The following IL7 variants were observed in gnomAD, a reference collection of about 807,000 sequenced individuals.
IL7 encodes the protein interleukin-7.
IL7 carries 3 observed loss-of-function variants against 21.6 expected under a neutral mutation model. The observed-to-expected ratio is 0.14, with a 90% CI of 0.06 to 0.36. IL7 has a LOEUF of 0.36. Among genes scored for constraint, IL7 ranks in the 10% least tolerant of loss-of-function variants. The probability of loss-of-function intolerance (pLI) is 1.00; values close to 1 mark genes in which losing one functional copy is unlikely to be tolerated. For synonymous variants in IL7, 62 were observed against 68.1 expected (o/e 0.91, Z 0.44); for missense variants, 175 against 200.2 (o/e 0.87, Z 0.76).
intron 2 of IL7, among the ~76,000 whole-genome samples, chr8:78,774,148 A>G (rs1320043071): frequency 6.6e-6 from 1 of 152,120 alleles, no homozygotes. Context: ...GGATTTCATT[A>G]CTTATAATAA....
intron 2 of IL7, among the ~76,000 whole-genome samples, chr8:78,757,616 T>C (rs1032506462): frequency 6.6e-6 from 1 of 152,104 alleles, no homozygotes; most frequent in Non-Finnish European, 1.5e-5. Flanking sequence ...TGTTAATGAA[T>C]TGATCCCTTC....
chr8:78,686,371 AT>A, intron 3 of IL7: 1 of 1,047,946 alleles, frequency 9.5e-7, no homozygotes, highest in Non-Finnish European at 1.2e-6. Flanking sequence ...ATAAGAGAAC[AT>A]TTAAAATGAT....
intron 2 of IL7, among the ~76,000 whole-genome samples, chr8:78,752,079 G>C (rs1404147490): frequency 1.3e-5 from 2 of 152,178 alleles, no homozygotes; most frequent in African/African-American, 4.8e-5. Flanking sequence ...AGGCTCATCT[G>C]TGTTGCTGTG....
At chr8:78,773,719 C>G (rs1813041138) in intron 2 of IL7, among the ~76,000 whole-genome samples, 1 of 152,020 alleles carries the variant, frequency 6.6e-6, no homozygotes, top group South Asian at 2.1e-4. Flanking sequence ...ATGATCTGAG[C>G]CTTGGTTTGT....
rs117442811 is a variant in IL7, at chr8:78,745,046, C to T, written c.148-4964G>A. ...GTTTCAGTGGAAGGTGCTGTATTTA[C>T]TCGCCCTTTTGTCCCTCTTTGTGAG... On this transcript the variant is annotated intron_variant, in intron 2 of 5. Coordinates refer to ENST00000263851, the MANE Select transcript of IL7 (RefSeq NM_000880.4). Among the ~76,000 whole-genome samples, 656 of 152,312 alleles carry T rather than the reference C, an allele frequency of 4.3e-3. 5 individuals are homozygous for T. The highest frequency in any genetic ancestry group is 7.7e-3 in the South Asian group (37 of 4,832).
chr8:78,743,052 A>G (rs1220726847), intron 2 of IL7, among the ~76,000 whole-genome samples: 1 of 152,216 alleles, frequency 6.6e-6, no homozygotes, highest in African/African-American at 2.4e-5. Flanking sequence ...CCTGCAAAGG[A>G]CATGATCTCA....
At chr8:78,748,542 T>C (rs1341053928) in intron 2 of IL7, among the ~76,000 whole-genome samples, 2 of 152,226 alleles carry the variant, frequency 1.3e-5, no homozygotes, top group Non-Finnish European at 2.9e-5. Flanking sequence ...AAGCCCATTG[T>C]AAATTCAAAA....
chr8:78,761,568 G>T, intron 2 of IL7: 13 of 1,611,862 alleles, frequency 8.1e-6, no homozygotes, highest in Non-Finnish European at 1.1e-5. Context: ...CTTAGGTTAT[G>T]AGATTCATCA....
In IL7 at chr8:78,753,839, C is replaced by T. The variant is rs997581923; in HGVS notation, c.148-13757G>A. 2.0e-5 allele frequency among the ~76,000 whole-genome samples: 3 copies of T among 152,240 alleles called. No homozygotes were observed. The South Asian group carries it at 6.2e-4, about 32-fold the overall frequency. On this transcript the variant is annotated intron_variant, in intron 2 of 5. Coordinates refer to ENST00000263851, the MANE Select transcript of IL7 (RefSeq NM_000880.4). ...CCATTTATTAAATAGGGAAACCTTTCCCCATTTCCTGTTTTTGTCAGGTTT... is the reference window on the plus strand; with the variant it reads ...CCATTTATTAAATAGGGAAACCTTTTCCCATTTCCTGTTTTTGTCAGGTTT...
At chr8:78,779,311 T>A (rs571128902) in intron 2 of IL7, among the ~76,000 whole-genome samples, 2 of 152,338 alleles carry the variant, frequency 1.3e-5, no homozygotes, top group South Asian at 4.1e-4. Context: ...CCTTGTCTTG[T>A]GCTAGTTTTC....
At chr8:78,761,274 C>T (rs1812546812) in intron 2 of IL7, 3 of 1,608,410 alleles carry the variant, frequency 1.9e-6, no homozygotes, top group Admixed American at 1.7e-5. Context: ...CAAACTTCCT[C>T]GATTGTTCCT....
intron 2 of IL7, among the ~76,000 whole-genome samples, chr8:78,773,233 C>A (rs1370847807): frequency 6.6e-6 from 1 of 151,988 alleles, no homozygotes; most frequent in Non-Finnish European, 1.5e-5. Flanking sequence ...GTCGACATAC[C>A]CATTCACCCA....
rs1340708996 is a variant in IL7 at position 78,733,599 on chromosome 8, A to G, written c.*114T>C. ...TCAAATGCCCTAATCCGTTTTGACC[A>G]TGGTGCATTCAGTAACTTCTAGGAA... is the stretch of plus-strand genomic sequence containing the variant. On this transcript the variant is annotated 3_prime_UTR_variant, in exon 6 of 6. Coordinates refer to ENST00000263851, the MANE Select transcript of IL7 (RefSeq NM_000880.4). The G allele has an allele frequency of 1.5e-5, 16 of 1,086,240 alleles. No homozygotes were observed. The highest frequency in any genetic ancestry group is 2.0e-5 in the Non-Finnish European group (15 of 751,134). The allele number at this position is 1,086,240 out of a possible 1,614,324, so 67.3% of individuals were successfully genotyped here.
chr8:78,761,118 A>C, intron 2 of IL7: 3 of 1,593,134 alleles, frequency 1.9e-6, no homozygotes, highest in Non-Finnish European at 2.6e-6. Flanking sequence ...AGTTCCACTA[A>C]AATTTCAAAA....
intron 3 of IL7, among the ~76,000 whole-genome samples, chr8:78,693,071 T>G (rs903458232): frequency 1.8e-4 from 28 of 152,098 alleles, no homozygotes; most frequent in Admixed American, 5.2e-4. Context: ...TCATCATTTT[T>G]TATGGCTGCA....
At chr8:78,702,929 C>T (rs1810652626) in intron 3 of IL7, among the ~76,000 whole-genome samples, 1 of 152,126 alleles carries the variant, frequency 6.6e-6, no homozygotes, top group Non-Finnish European at 1.5e-5. Flanking sequence ...TGGAGTTTCA[C>T]TCTGTCGCCC....
chr8:78,772,151 G>A (rs1415848472), intron 2 of IL7, among the ~76,000 whole-genome samples: 1 of 152,092 alleles, frequency 6.6e-6, no homozygotes, highest in Non-Finnish European at 1.5e-5. Flanking sequence ...GGCAGGGCTA[G>A]CATGCAAATA....
chr8:78,712,977 A>G (rs1158773932), downstream of IL7, among the ~76,000 whole-genome samples: 1 of 152,172 alleles, frequency 6.6e-6, no homozygotes, highest in African/African-American at 2.4e-5. Flanking sequence ...GCCATTTGCT[A>G]TTTTTAAGTA....
chr8:78,740,092 ATAAC>A lies in IL7; in HGVS notation c.148-14_148-11del. ...TTTCTTTCATGCTGTCCTGTAATAA[ATAAC>A]ATAAAATAATATGGTTAAAACTGAG... is the stretch of plus-strand genomic sequence containing the variant. On this transcript the variant is annotated splice_polypyrimidine_tract_variant and intron_variant, in intron 2 of 5. Coordinates refer to ENST00000263851, the MANE Select transcript of IL7 (RefSeq NM_000880.4). 1 of 1,422,468 alleles carries A rather than the reference ATAAC, an allele frequency of 7.0e-7. No homozygotes were observed. Among genetic ancestry groups the A allele is most frequent in the Non-Finnish European group, 9.3e-7 (1 of 1,073,262 alleles). 88.1% of individuals were successfully genotyped at this position (1,422,468 alleles called of 1,614,324 possible). A position where few individuals can be genotyped will look rare whatever the true frequency, so the allele number is the denominator to read the frequency against.
Sources: gnomAD v4.1 joint callset for allele counts (sites outside exome capture counted in the v4.1 genomes callset) on GRCh38, gnomAD v4.1.1 for gene constraint, MANE v1.5 for transcripts, NCBI Gene and HGNC (gene_info 2026-07-23, HGNC 2026-07-21) for gene names.